Variants in LRMDA observed in about 807,000 individuals in gnomAD.
LRMDA encodes leucine-rich melanocyte differentiation-associated protein.
In LRMDA, 18 loss-of-function variants were observed where a neutral mutation model predicts 29.8. That is an observed-to-expected ratio of 0.60 (90% CI 0.42 to 0.90). The LOEUF (loss-of-function observed/expected upper bound fraction) is 0.90, where lower values mean the gene tolerates loss of function less well. Ranked by LOEUF, LRMDA falls within the 40% of genes least tolerant of loss-of-function variation. LRMDA has a pLI of 0.00. For missense variants in LRMDA, 273 were observed against 273.9 expected, an observed-to-expected ratio of 1.00 and a Z score of 0.02; for synonymous variants, 125 against 109.4, an observed-to-expected ratio of 1.14 and a Z score of -0.89.
At chr10:76,024,996 C>G (rs1301507045) in intron 2 of LRMDA, among the ~76,000 whole-genome samples, 1 of 152,212 alleles carries the variant, frequency 6.6e-6, no homozygotes, top group African/African-American at 2.4e-5. Context: ...CGTGTCCACT[C>G]TCACATCTCC....
intron 6 of LRMDA, among the ~76,000 whole-genome samples, chr10:76,463,855 T>C (rs1842536498): frequency 6.6e-6 from 1 of 151,638 alleles, no homozygotes; most frequent in Non-Finnish European, 1.5e-5. Flanking sequence ...ATCTAACTTG[T>C]GCAGAGCTGG....
chr10:75,523,950 G>A (rs1845388416), intron 2 of LRMDA, among the ~76,000 whole-genome samples: 1 of 152,192 alleles, frequency 6.6e-6, no homozygotes, highest in Non-Finnish European at 1.5e-5. Context: ...TCAACTGTCA[G>A]TGACTTGGCT....
At chr10:76,042,959 C>T (rs969672460) in intron 3 of LRMDA, among the ~76,000 whole-genome samples, 12 of 152,058 alleles carry the variant, frequency 7.9e-5, no homozygotes, top group East Asian at 3.9e-4. Flanking sequence ...ACATTTTGGC[C>T]GGGCACAGTG....
chr10:75,632,203 T>C (rs1323798955), intron 2 of LRMDA, among the ~76,000 whole-genome samples: 3 of 152,188 alleles, frequency 2.0e-5, no homozygotes, highest in African/African-American at 7.2e-5. Flanking sequence ...CAGAGGGATA[T>C]CAGCCTCTTA....
At chr10:76,396,087 CT>C (rs1327151006) in intron 6 of LRMDA, among the ~76,000 whole-genome samples, 4 of 152,298 alleles carry the variant, frequency 2.6e-5, no homozygotes, top group Non-Finnish European at 4.4e-5. Flanking sequence ...GTTTTTCCCC[CT>C]GAACCTATGG....
At chr10:76,059,873 G>A (rs1898062) in intron 5 of LRMDA, among the ~76,000 whole-genome samples, 63,246 of 152,012 alleles carry the variant, frequency 0.42, 13,926 homozygotes, top group Non-Finnish European at 0.45. Flanking sequence ...GTGGAAATAT[G>A]TGATATGGAG....
At chr10:76,179,794 C>T (rs533920547) in intron 5 of LRMDA, among the ~76,000 whole-genome samples, 12 of 152,270 alleles carry the variant, frequency 7.9e-5, no homozygotes, top group African/African-American at 2.6e-4. Context: ...CTTGGAAGAA[C>T]CAACTGTCCC....
At chr10:75,835,770 G>C (rs1232196923) in intron 2 of LRMDA, among the ~76,000 whole-genome samples, 1 of 152,176 alleles carries the variant, frequency 6.6e-6, no homozygotes, top group Non-Finnish European at 1.5e-5. Flanking sequence ...ACTCTCTACT[G>C]TTATGCTTCT....
intron 5 of LRMDA, among the ~76,000 whole-genome samples, chr10:76,247,268 G>T (rs1852393187): frequency 6.6e-6 from 1 of 152,194 alleles, no homozygotes; most frequent in African/African-American, 2.4e-5. Context: ...ATGCTGTACT[G>T]AAAGCTGGAT....
intron 6 of LRMDA, among the ~76,000 whole-genome samples, chr10:76,384,161 G>C (rs1171485171): frequency 6.6e-6 from 1 of 152,188 alleles, no homozygotes; most frequent in Non-Finnish European, 1.5e-5. Flanking sequence ...TTGGGTGTTT[G>C]ACTGAGGGTA....
Position 76,446,897 on chromosome 10 carries a change from G to A in LRMDA, c.602-110312G>A, listed in dbSNP as rs951838061. On this transcript the variant is annotated intron_variant, in intron 6 of 6. Transcript: ENST00000611255. ...ATTTATTATGCTCAGCTGAGTTGGTGTGTGCCTTTAGTGTGAGAATTTAGA... is the reference window on the plus strand; with the variant it reads ...ATTTATTATGCTCAGCTGAGTTGGTATGTGCCTTTAGTGTGAGAATTTAGA... Among the ~76,000 whole-genome samples the A allele has an allele frequency of 4.6e-5, 7 of 152,330 alleles. No homozygotes were observed. In the South Asian group the frequency reaches 1.2e-3, roughly 27 times the overall value.
At chr10:76,057,750 A>G (rs1848639888) in intron 4 of LRMDA, among the ~76,000 whole-genome samples, 1 of 152,222 alleles carries the variant, frequency 6.6e-6, no homozygotes, top group Non-Finnish European at 1.5e-5. Context: ...GATAAGCAGA[A>G]TAGGGTGGAA....
At chr10:76,317,245 G>A (rs1840711384) in intron 5 of LRMDA, among the ~76,000 whole-genome samples, 1 of 152,198 alleles carries the variant, frequency 6.6e-6, no homozygotes, top group Non-Finnish European at 1.5e-5. Flanking sequence ...TTTTTCAAAT[G>A]AGAGGAATAT....
At chr10:76,358,172 C>G (rs1208858605) in intron 6 of LRMDA, among the ~76,000 whole-genome samples, 1 of 152,182 alleles carries the variant, frequency 6.6e-6, no homozygotes, top group Non-Finnish European at 1.5e-5. Flanking sequence ...CATTTCCTGA[C>G]TGCAATACTT....
chr10:75,589,803 C>T (rs1442735249), intron 2 of LRMDA, among the ~76,000 whole-genome samples: 1 of 150,330 alleles, frequency 6.7e-6, no homozygotes, highest in Non-Finnish European at 1.5e-5. Context: ...GTTTTTGGAG[C>T]TCTTTGTGTA....
At chr10:76,254,381 A>ATGCTATGCTG (rs1852550103) in intron 5 of LRMDA, among the ~76,000 whole-genome samples, 1 of 151,524 alleles carries the variant, frequency 6.6e-6, no homozygotes, top group Non-Finnish European at 1.5e-5. Context: ...ATGCTATGCT[A>ATGCTATGCTG]TGCTATGCTA....
At chr10:75,592,654 G>A (rs903015238) in intron 2 of LRMDA, among the ~76,000 whole-genome samples, 32 of 152,178 alleles carry the variant, frequency 2.1e-4, no homozygotes, top group Non-Finnish European at 5.9e-5. Context: ...GCGGAGCCGC[G>A]TCTGACGCGG....
At chr10:76,282,346 C>T (rs550579281) in intron 5 of LRMDA, among the ~76,000 whole-genome samples, 77 of 152,188 alleles carry the variant, frequency 5.1e-4, no homozygotes, top group African/African-American at 1.7e-3. Flanking sequence ...AAATAGATGC[C>T]GACTGTAGGA....
chr10:76,136,525 G>A (rs1408627133), intron 5 of LRMDA, among the ~76,000 whole-genome samples: 1 of 152,008 alleles, frequency 6.6e-6, no homozygotes, highest in African/African-American at 2.4e-5. Flanking sequence ...TACCTAATAT[G>A]TGCAAATGAT....
Sources: allele counts gnomAD v4.1 joint callset (sites outside exome capture counted in the v4.1 genomes callset), GRCh38; gene constraint gnomAD v4.1.1; transcripts MANE v1.5; gene names NCBI Gene and HGNC (gene_info 2026-07-23, HGNC 2026-07-21).